The following VEZT variants were observed in gnomAD, a reference collection of about 807,000 sequenced individuals.
VEZT encodes vezatin, adherens junctions transmembrane protein, also known as vezatin.
Under a neutral mutation model 79.9 loss-of-function variants are expected in VEZT, and 39 were observed. The ratio of observed to expected loss-of-function variants is 0.49; its 90% CI spans 0.38 to 0.64. The LOEUF (loss-of-function observed/expected upper bound fraction) is 0.64. Ranked by LOEUF, VEZT falls within the 30% of genes least tolerant of loss-of-function variation. The pLI, the probability that VEZT is intolerant of heterozygous loss-of-function variation, is 0.00. For synonymous variants in VEZT, 325 were observed against 327.6 expected, an observed-to-expected ratio of 0.99 and a Z score of 0.09; for missense variants, 837 against 893.1, an observed-to-expected ratio of 0.94 and a Z score of 0.80.
intron 1 of VEZT, among the ~76,000 whole-genome samples, chr12:95,225,362 G>A (rs1212355972): frequency 6.6e-6 from 1 of 152,068 alleles, no homozygotes; most frequent in African/African-American, 2.4e-5. Context: ...AGACCTTCCT[G>A]GCTAATGCTG....
In VEZT at chr12:95,266,612, G is replaced by A. The variant is rs1339352458; in HGVS notation, c.690G>A (p.Val230=). 2 of 1,610,658 alleles carry A rather than the reference G, an allele frequency of 1.2e-6. No individual in the cohort carries two copies. Among genetic ancestry groups the A allele is most frequent in the Non-Finnish European group, 1.7e-6 (2 of 1,179,014 alleles). ...KALRLIQETE[V]ISRGFTLVSA... ...TACGTCTCATTCAAGAAACCGAAGT[G>A]ATTTCCAGAGGATTTACACTGTGAG... Residue 230 remains valine (V), a synonymous_variant, in exon 5 of 12, where the codon GTG becomes GTA. Coordinates refer to ENST00000436874, the MANE Select transcript of VEZT (RefSeq NM_017599.4).
At chr12:95,251,787 T>C (rs559495601) in intron 1 of VEZT, 153 bp from the exon 2 acceptor site, 3 of 492,920 alleles carry the variant, frequency 6.1e-6, no homozygotes, top group African/African-American at 4.0e-5. Flanking sequence ...TAAATGGCAT[T>C]GTATTATAAC....
chr12:95,262,322 G>A (rs981975849), intron 3 of VEZT: 1 of 152,156 alleles, frequency 6.6e-6, no homozygotes, highest in Non-Finnish European at 1.5e-5. Flanking sequence ...CTGATGCCTG[G>A]CTTATAGAAG....
At position 95,266,630 on chromosome 12, in the gene VEZT, A is replaced by G. The variant is rs752621147; in HGVS notation, c.708A>G (p.Thr236=). The change falls in exon 5 of 12, where the codon ACA becomes ACG. Residue 236 remains threonine (T), a splice_region_variant and synonymous_variant. Coordinates refer to ENST00000436874, the MANE Select transcript of VEZT (RefSeq NM_017599.4). ...QETEVISRGF[T]LVSAACPFNK... is the part of the protein sequence containing the mutation. ...CCGAAGTGATTTCCAGAGGATTTAC[A>G]CTGTGAGTTCATTTTTTATTTTATT... 5.0e-6 allele frequency: 8 copies of G among 1,589,400 alleles called. No individual in the cohort carries two copies. Among genetic ancestry groups the G allele is most frequent in the Admixed American group, 1.8e-5 (1 of 56,710 alleles).
At chr12:95,229,816 G>C (rs1423147534) in intron 1 of VEZT, among the ~76,000 whole-genome samples, 1 of 152,152 alleles carries the variant, frequency 6.6e-6, no homozygotes, top group Non-Finnish European at 1.5e-5. Flanking sequence ...TCGACCAGAT[G>C]TGGTGGCTCA....
intron 7 of VEZT, 104 bp from the exon 8 acceptor site, chr12:95,282,209 A>G: frequency 7.9e-6 from 8 of 1,014,256 alleles, no homozygotes; most frequent in Non-Finnish European, 9.8e-6. Context: ...TTTAGGATAA[A>G]GTGCAAAATT....
intron 7 of VEZT, among the ~76,000 whole-genome samples, chr12:95,275,145 A>G (rs1025663673): frequency 1.3e-5 from 2 of 152,224 alleles, no homozygotes; most frequent in South Asian, 2.1e-4. Context: ...GAGTTTGGAG[A>G]TAAGTGAATT....
chr12:95,288,316 A>G (rs2071534633), intron 9 of VEZT, among the ~76,000 whole-genome samples: 2 of 152,206 alleles, frequency 1.3e-5, no homozygotes, highest in South Asian at 2.1e-4. Flanking sequence ...TAAGATCTAA[A>G]GACATTGTGT....
At chr12:95,254,639 C>G (rs761641830) in intron 2 of VEZT, among the ~76,000 whole-genome samples, 5 of 152,002 alleles carry the variant, frequency 3.3e-5, no homozygotes, top group African/African-American at 1.2e-4. Context: ...CCACCATGCC[C>G]GACCAATTTT....
At chr12:95,291,042 A>G (rs2072648305) in intron 9 of VEZT, among the ~76,000 whole-genome samples, 1 of 152,092 alleles carries the variant, frequency 6.6e-6, no homozygotes, top group Non-Finnish European at 1.5e-5. Context: ...AGGAGGGAGG[A>G]TCACTTGAAA....
chr12:95,248,422 G>A (rs1273986866), intron 1 of VEZT, among the ~76,000 whole-genome samples: 3 of 152,142 alleles, frequency 2.0e-5, no homozygotes, highest in Admixed American at 2.0e-4. Context: ...CTTATATACA[G>A]AACATATTTG....
At chr12:95,268,807 A>G (rs554166064) in intron 5 of VEZT, among the ~76,000 whole-genome samples, 5 of 152,324 alleles carry the variant, frequency 3.3e-5, no homozygotes, top group Non-Finnish European at 7.3e-5. Context: ...ATAAGTCTTG[A>G]ATCATAATTT....
chr12:95,248,748 G>A (rs1390891739), intron 1 of VEZT, among the ~76,000 whole-genome samples: 2 of 150,250 alleles, frequency 1.3e-5, no homozygotes, highest in African/African-American at 2.5e-5. Flanking sequence ...AGCTACTCAC[G>A]AGGCTGAAGC....
intron 1 of VEZT, among the ~76,000 whole-genome samples, chr12:95,220,625 A>G (rs975122644): frequency 2.0e-5 from 3 of 148,910 alleles, no homozygotes; most frequent in Non-Finnish European, 4.5e-5. Context: ...CCATTTATAT[A>G]CTCTCTTATT....
chr12:95,299,695 C>T (rs2074925258), intron 11 of VEZT: 1 of 152,104 alleles, frequency 6.6e-6, no homozygotes, highest in African/African-American at 2.4e-5. Flanking sequence ...TCAGTGAAAA[C>T]CATGCTGCTT....
rs561047713 is a variant in VEZT, at chr12:95,246,172, G to A, written c.37-5768G>A. Reference sequence around the variant, plus strand: ...GAGTCTCGCTCTGTTGCCCAGGCTGGAGTGCAGTGGCGGGATCTCAGCTCA... The same window carrying A: ...GAGTCTCGCTCTGTTGCCCAGGCTGAAGTGCAGTGGCGGGATCTCAGCTCA... On this transcript the variant is annotated intron_variant, in intron 1 of 11. Transcript: ENST00000436874. Among the ~76,000 whole-genome samples, 5 of 152,102 alleles carry A rather than the reference G, an allele frequency of 3.3e-5. No homozygotes were observed. The South Asian group carries it at 1.0e-3, about 32-fold the overall frequency.
intron 11 of VEZT, among the ~76,000 whole-genome samples, chr12:95,298,684 A>G (rs1038845523): frequency 1.6e-4 from 24 of 152,188 alleles, no homozygotes; most frequent in Non-Finnish European, 2.4e-4. Context: ...ACACTCGTCA[A>G]TTGATCCTCT....
chr12:95,233,893 A>G (rs1002862722), intron 1 of VEZT, among the ~76,000 whole-genome samples: 1 of 152,194 alleles, frequency 6.6e-6, no homozygotes, highest in Non-Finnish European at 1.5e-5. Context: ...TATTTGGCAT[A>G]CTTTTATAAT....
intron 3 of VEZT, chr12:95,258,433 G>T: frequency 6.7e-6 from 2 of 297,746 alleles, no homozygotes; most frequent in Non-Finnish European, 1.4e-5. Context: ...TCCCTTTTGT[G>T]CCTATATTAT....
Sources: allele counts gnomAD v4.1 joint callset (sites outside exome capture counted in the v4.1 genomes callset), GRCh38; gene constraint gnomAD v4.1.1; transcripts MANE v1.5; gene names NCBI Gene and HGNC (gene_info 2026-07-23, HGNC 2026-07-21).